UTP4: variants seen among roughly 807,000 people sequenced by gnomAD.
UTP4 encodes the protein U3 small nucleolar RNA-associated protein 4 homolog.
In UTP4, 45 loss-of-function variants were observed where a neutral mutation model predicts 82.4. That is an observed-to-expected ratio of 0.55 (90% CI 0.43 to 0.70). The LOEUF is 0.70. Among genes scored for constraint, UTP4 ranks in the 30% least tolerant of loss-of-function variants. The probability of loss-of-function intolerance (pLI) is 0.00; values close to 1 mark genes in which losing one functional copy is unlikely to be tolerated. For synonymous variants in UTP4, 348 were observed against 300.3 expected (o/e 1.16, Z -1.64); for missense variants, 819 against 858.3 (o/e 0.95, Z 0.57).
rs779710114 is a variant in UTP4 at position 69,153,649 on chromosome 16, A to G, written c.1068A>G (p.Glu356=). Residue 356 remains glutamate, a synonymous_variant, in exon 9 of 17, where the codon GAA becomes GAG. Transcript: ENST00000314423. ...LLLFQFAHHL[E]LWRLGSTVAT... is the part of the protein sequence containing the mutation. ...TCTTCCAGTTTGCTCATCACTTAGA[A>G]CTTTGGCGACTGGGATCCACAGTTG... 7.4e-6 allele frequency: 12 copies of G among 1,613,136 alleles called. No homozygotes were observed. The East Asian group carries it at 2.0e-4, about 27-fold the overall frequency.
intron 14 of UTP4, among the ~76,000 whole-genome samples, chr16:69,163,892 T>TC (rs1963629847): frequency 6.7e-6 from 1 of 148,930 alleles, no homozygotes; most frequent in African/African-American, 2.5e-5. Flanking sequence ...TTGTTTTTTT[T>TC]TTTTTTTTTT....
chr16:69,151,746 A>G (rs935451566), intron 8 of UTP4, among the ~76,000 whole-genome samples: 6 of 151,828 alleles, frequency 4.0e-5, no homozygotes, highest in Admixed American at 1.3e-4. Context: ...GGCAGGAGAT[A>G]TGCAGCAGCA....
intron 5 of UTP4, among the ~76,000 whole-genome samples, chr16:69,141,521 C>T (rs1303502126): frequency 2.0e-5 from 3 of 151,974 alleles, no homozygotes; most frequent in Non-Finnish European, 4.4e-5. Flanking sequence ...ATGTTTTATC[C>T]TTACTGTTAT....
intron 6 of UTP4, among the ~76,000 whole-genome samples, chr16:69,146,953 G>A (rs1180761885): frequency 1.4e-5 from 2 of 144,632 alleles, no homozygotes; most frequent in African/African-American, 5.2e-5. Flanking sequence ...CATTGAGTGC[G>A]ATCGCGCCAC....
rs1264127100 is a variant in UTP4 at position 69,164,592 on chromosome 16, A to ATATATATATATATATATATATATG, written c.1648-737_1648-714dup. ...TTTCAGTTCTAATCATTCTTTATAT[A>ATATATATATATATATATATATATG]TATATATATATATATATATATATGT... On this transcript the variant is annotated intron_variant, in intron 14 of 16. Coordinates refer to ENST00000314423, the MANE Select transcript of UTP4 (RefSeq NM_032830.3). Among the ~76,000 whole-genome samples, 4 of 119,392 alleles carry ATATATATATATATATATATATATG rather than the reference A, an allele frequency of 3.4e-5. No homozygotes were observed. In the East Asian group the frequency reaches 8.9e-4, roughly 27 times the overall value. The allele number at this position is 119,392 out of a possible 152,430, so 78.3% of individuals were successfully genotyped here.
intron 5 of UTP4, among the ~76,000 whole-genome samples, chr16:69,142,863 C>T (rs1962998415): frequency 6.6e-6 from 1 of 152,204 alleles, no homozygotes; most frequent in African/African-American, 2.4e-5. Flanking sequence ...TCCCTTCCTC[C>T]CTCCCTTGCA....
rs1567385524 is a variant in UTP4, at chr16:69,168,826, A to T, written c.1950A>T (p.Leu650=). 1 of 1,604,000 alleles carries T rather than the reference A, an allele frequency of 6.2e-7. No individual in the cohort carries two copies. The highest frequency in any genetic ancestry group is 8.5e-7 in the Non-Finnish European group (1 of 1,170,970). Residue 650 remains leucine (L), a synonymous_variant, in exon 17 of 17, where the codon CTA becomes CTT. Transcript: ENST00000314423. ...AFKISKIYKP[L]LFMDLLDERT... ...TAATTATCATCCCTCTGCAGCCTCT[A>T]CTCTTCATGGATCTTTTGGATGAAA... is the stretch of plus-strand genomic sequence containing the variant.
At chr16:69,165,283 GC>G in intron 14 of UTP4, 57 bp from the exon 15 acceptor site, 3 of 1,428,476 alleles carry the variant, frequency 2.1e-6, no homozygotes, top group Non-Finnish European at 3.0e-6. Flanking sequence ...GGATGAGAAT[GC>G]CCTTCTGGTC....
At chr16:69,151,755 C>T (rs2152280597) in intron 8 of UTP4, among the ~76,000 whole-genome samples, 1 of 151,918 alleles carries the variant, frequency 6.6e-6, no homozygotes, top group East Asian at 1.9e-4. Context: ...TATGCAGCAG[C>T]ACACCTAGTT....
chr16:69,152,863 A>G (rs1373073251), intron 8 of UTP4, among the ~76,000 whole-genome samples: 2 of 151,996 alleles, frequency 1.3e-5, no homozygotes, highest in Non-Finnish European at 2.9e-5. Context: ...GTCTCAAGCA[A>G]TCCTCGCACC....
chr16:69,136,349 T>C (rs1751041597), intron 2 of UTP4, among the ~76,000 whole-genome samples: 1 of 152,160 alleles, frequency 6.6e-6, no homozygotes, highest in Admixed American at 6.5e-5. Flanking sequence ...CCCGTCAGCC[T>C]CCGTAGTAGC....
chr16:69,162,929 A>G (rs914967432), intron 13 of UTP4, among the ~76,000 whole-genome samples, 154 bp from the exon 14 acceptor site: 1 of 151,994 alleles, frequency 6.6e-6, no homozygotes. Flanking sequence ...ATGAAAGTTC[A>G]TTGGTTGGGG....
At chr16:69,137,775 C>G (rs1037834445) in intron 3 of UTP4, 26 bp from the exon 4 acceptor site, 2 of 1,379,998 alleles carry the variant, frequency 1.4e-6, no homozygotes, top group African/African-American at 2.9e-5. Flanking sequence ...TTGATTTTTT[C>G]TGTTTACTAC....
At chr16:69,134,424 T>G (rs754495194) in intron 2 of UTP4, among the ~76,000 whole-genome samples, 22 of 152,002 alleles carry the variant, frequency 1.4e-4, no homozygotes, top group Non-Finnish European at 3.1e-4. Context: ...GAAAGATAAG[T>G]GTACAGTTTC....
intron 3 of UTP4, among the ~76,000 whole-genome samples, chr16:69,137,521 A>G (rs1193493161): frequency 3.3e-5 from 5 of 152,210 alleles, no homozygotes; most frequent in Non-Finnish European, 5.9e-5. Flanking sequence ...ATGAAATCCT[A>G]CTTCTAATCC....
At chr16:69,164,933 C>T (rs1007126232) in intron 14 of UTP4, among the ~76,000 whole-genome samples, 9 of 152,100 alleles carry the variant, frequency 5.9e-5, no homozygotes, top group Non-Finnish European at 8.8e-5. Flanking sequence ...CGGTGGCTCA[C>T]GCCTGTAATC....
chr16:69,166,308 T>C (rs1963701415), intron 15 of UTP4: 2 of 153,906 alleles, frequency 1.3e-5, no homozygotes, highest in Admixed American at 6.5e-5. Flanking sequence ...AAAGGAGGTG[T>C]GCACGGGGAT....
intron 12 of UTP4, 134 bp from the exon 13 acceptor site, chr16:69,160,222 C>T: frequency 1.3e-6 from 1 of 779,812 alleles, no homozygotes; most frequent in South Asian, 1.4e-5. Context: ...AAGTAATTTG[C>T]ACAGTGATCA....
intron 5 of UTP4, among the ~76,000 whole-genome samples, chr16:69,140,802 C>T (rs1031392766): frequency 6.6e-6 from 1 of 152,172 alleles, no homozygotes; most frequent in African/African-American, 2.4e-5. Flanking sequence ...CAGATCCTAG[C>T]ATGCTTTTTA....
Sources: gnomAD v4.1 joint callset for allele counts (sites outside exome capture counted in the v4.1 genomes callset) on GRCh38, gnomAD v4.1.1 for gene constraint, MANE v1.5 for transcripts, NCBI Gene and HGNC (gene_info 2026-07-23, HGNC 2026-07-21) for gene names.